Variants in B3GALT9 observed in about 807,000 individuals in gnomAD.
The protein encoded by B3GALT9 is beta-1,3-galactosyltransferase 9, also known as UDP-GlcNAc:betaGal beta-1,3-N-acetylglucosaminyltransferase 10 (putative).
In B3GALT9 at chr9:120,799,134, A is replaced by G. The variant is rs199849974; in HGVS notation, c.566A>G (p.Asn189Ser). The part of the protein sequence containing the change: ...ILKVDEETFV[N>S]LPSLVDYLLN... Reference sequence around the variant, plus strand: ...AAGGTGGATGAAGAGACGTTTGTCAATCTACCAAGCTTGGTAGACTATCTT... The same window carrying G: ...AAGGTGGATGAAGAGACGTTTGTCAGTCTACCAAGCTTGGTAGACTATCTT... Residue 189 changes from asparagine (N) to serine (S), a missense_variant, in exon 3 of 3, where the codon AAT becomes AGT. By Grantham distance (46) the Asn-to-Ser change is conservative. Coordinates refer to ENST00000689072, the MANE Select transcript of B3GALT9 (RefSeq NM_001386823.1). 5.5e-4 allele frequency: 218 copies of G among 398,950 alleles called. No individual in the cohort carries two copies. Among genetic ancestry groups the G allele is most frequent in the Non-Finnish European group, 7.8e-4 (176 of 226,094 alleles). The allele number at this position is 398,950 out of a possible 1,614,324, so 24.7% of individuals were successfully genotyped here.
intron 2 of B3GALT9, 140 bp from the exon 3 acceptor site, chr9:120,798,435 G>C (rs1217917508): frequency 2.5e-6 from 1 of 397,206 alleles, no homozygotes; most frequent in Non-Finnish European, 4.4e-6. Flanking sequence ...TCTAGTGGAA[G>C]AAATAGATAA....
In B3GALT9 at chr9:120,801,172, G is replaced by A. The variant is rs1186445565; in HGVS notation, c.*1494G>A. 6.6e-6 allele frequency among the ~76,000 whole-genome samples: 1 copy of A among 152,126 alleles called. No individual in the cohort carries two copies. Among genetic ancestry groups the A allele is most frequent in the Non-Finnish European group, 1.5e-5 (1 of 68,032 alleles). ...GTGAATAATGCTGCATTGAATGTGGGGAGTGCAGATATCTCTTTAACATAC... is the reference window on the plus strand; with the variant it reads ...GTGAATAATGCTGCATTGAATGTGGAGAGTGCAGATATCTCTTTAACATAC... On this transcript the variant is annotated 3_prime_UTR_variant, in exon 3 of 3. Transcript: ENST00000689072.
rs1243319295 is a variant in B3GALT9, at chr9:120,798,464, TA to T, written c.7-107del. The T allele has an allele frequency of 1.0e-5, 4 of 397,888 alleles. No individual in the cohort carries two copies. The East Asian group carries it at 1.1e-4, about 11-fold the overall frequency. The allele number at this position is 397,888 out of a possible 1,614,324, so 24.6% of individuals were successfully genotyped here. ...TAGATAATATATCACAATAAACACT[TA>T]AAATAGAGTGTACTGCTAAATGCTG... On this transcript the variant is annotated intron_variant, in intron 2 of 2. Coordinates refer to ENST00000689072, the MANE Select transcript of B3GALT9 (RefSeq NM_001386823.1).
At chr9:120,794,878 T>C (rs1418640836) in intron 1 of B3GALT9, among the ~76,000 whole-genome samples, 3 of 152,206 alleles carry the variant, frequency 2.0e-5, no homozygotes, top group Non-Finnish European at 4.4e-5. Context: ...AACTAAATTC[T>C]TAATTTTATT....
rs1361098514 is a variant in B3GALT9 at position 120,798,593 on chromosome 9, C to A, written c.25C>A (p.Arg9=). The A allele has an allele frequency of 2.5e-6, 1 of 399,544 alleles. No individual in the cohort carries two copies. The highest frequency in any genetic ancestry group is 2.1e-5 in the African/African-American group (1 of 48,622). The allele number at this position is 399,544 out of a possible 1,614,324, so 24.7% of individuals were successfully genotyped here. The change falls in exon 3 of 3, where the codon CGG becomes AGG. Residue 9 remains arginine, a synonymous_variant. Coordinates refer to ENST00000689072, the MANE Select transcript of B3GALT9 (RefSeq NM_001386823.1). The part of the protein sequence containing the change: MQVTFCRL[R]THQWCFILFN... ...TTTTTAGGTGACTTTCTGCAGACTT[C>A]GGACTCACCAGTGGTGTTTCATTCT... is the stretch of plus-strand genomic sequence containing the variant.
chr9:120,795,820 G>A (rs1442526646), intron 1 of B3GALT9, among the ~76,000 whole-genome samples: 1 of 152,214 alleles, frequency 6.6e-6, no homozygotes, highest in Non-Finnish European at 1.5e-5. Flanking sequence ...AAACTTGCTG[G>A]TAGAAATGAT....
rs1201692780 is a variant in B3GALT9, at chr9:120,795,705, AG to A, written c.-181-716del. ...GGAAGATCAACATGTTGGATGTTGA[AG>A]GAAAGGACGAAATATAGCCTGGCAT... On this transcript the variant is annotated intron_variant, in intron 1 of 2. Coordinates refer to ENST00000689072, the MANE Select transcript of B3GALT9 (RefSeq NM_001386823.1). 2.0e-5 allele frequency among the ~76,000 whole-genome samples: 3 copies of A among 152,246 alleles called. No homozygotes were observed. The East Asian group carries it at 5.8e-4, about 29-fold the overall frequency.
chr9:120,795,111 G>T (rs1372940852), intron 1 of B3GALT9, among the ~76,000 whole-genome samples: 1 of 152,192 alleles, frequency 6.6e-6, no homozygotes, highest in African/African-American at 2.4e-5. Flanking sequence ...TCTCAAGAGA[G>T]CAAATTTGAT....
intron 1 of B3GALT9, among the ~76,000 whole-genome samples, chr9:120,795,065 G>T (rs1480129570): frequency 6.6e-6 from 1 of 152,134 alleles, no homozygotes; most frequent in African/African-American, 2.4e-5. Flanking sequence ...TTGATTATGT[G>T]GGGTGGAAGT....
Position 120,800,443 on chromosome 9 carries a change from A to G in B3GALT9, c.*765A>G, listed in dbSNP as rs1006496267. 1.3e-5 allele frequency among the ~76,000 whole-genome samples: 2 copies of G among 150,016 alleles called. No individual in the cohort carries two copies. The highest frequency in any genetic ancestry group is 2.5e-5 in the African/African-American group (1 of 40,726). On this transcript the variant is annotated 3_prime_UTR_variant, in exon 3 of 3. Coordinates refer to ENST00000689072, the MANE Select transcript of B3GALT9 (RefSeq NM_001386823.1). ...CTAATTTTTGTATTTTTTTATAGAG[A>G]TGGGGGTTTCATGATGTTGCCCACG...
intron 1 of B3GALT9, among the ~76,000 whole-genome samples, chr9:120,794,167 T>C (rs2044915182): frequency 1.3e-5 from 2 of 152,186 alleles, no homozygotes; most frequent in Admixed American, 1.3e-4. Flanking sequence ...CAACATTTTT[T>C]GTGTACCATC....
intron 2 of B3GALT9, among the ~76,000 whole-genome samples, chr9:120,797,662 G>T (rs1331047812): frequency 6.6e-6 from 1 of 152,118 alleles, no homozygotes; most frequent in East Asian, 1.9e-4. Context: ...TATCTGAAAG[G>T]GATATTACCA....
Position 120,799,530 on chromosome 9 carries a change from C to A in B3GALT9, c.962C>A (p.Ala321Glu). The A allele has an allele frequency of 2.5e-6, 1 of 399,648 alleles. No individual in the cohort carries two copies. The highest frequency in any genetic ancestry group is 4.4e-6 in the Non-Finnish European group (1 of 226,208). 24.8% of individuals were successfully genotyped at this position (399,648 alleles called of 1,614,324 possible). A position where few individuals can be genotyped will look rare whatever the true frequency, so the allele number is the denominator to read the frequency against. ...SEIADPEMPL[A>E]WKEINDGKEC... is the part of the protein sequence containing the mutation. ...ATTGCAGATCCTGAAATGCCCCTAG[C>A]ATGGAAGGAAATTAATGATGGAAAA... Residue 321 changes from alanine (A) to glutamate (E), a missense_variant, in exon 3 of 3, where the codon GCA (alanine) becomes GAA (glutamate). Physicochemically the swap from Ala to Glu is moderately radical, Grantham distance 107 (BLOSUM62 -1). Coordinates refer to ENST00000689072, the MANE Select transcript of B3GALT9 (RefSeq NM_001386823.1).
rs1378522245 is a variant in B3GALT9 at position 120,800,603 on chromosome 9, AACTG to A, written c.*929_*932del. ...TTATAACTAAGTTTTTTTTTTTATA[AACTG>A]ACTAGTAAAAATTATGTATATTTAT... On this transcript the variant is annotated 3_prime_UTR_variant, in exon 3 of 3. Transcript: ENST00000689072. Among the ~76,000 whole-genome samples, 5 of 152,102 alleles carry A rather than the reference AACTG, an allele frequency of 3.3e-5. No individual in the cohort carries two copies. Among genetic ancestry groups the A allele is most frequent in the African/African-American group, 4.8e-5 (2 of 41,402 alleles).
rs1317728628 is a variant in B3GALT9, at chr9:120,799,810, T to C, written c.*132T>C. ...TAATTTTATTTGCAAAGGTACAAAA[T>C]GTTTTCTGTGCTCTGGTGTGCTCAA... On this transcript the variant is annotated 3_prime_UTR_variant, in exon 3 of 3. Coordinates refer to ENST00000689072, the MANE Select transcript of B3GALT9 (RefSeq NM_001386823.1). The C allele has an allele frequency of 2.5e-6, 1 of 396,710 alleles. No individual in the cohort carries two copies. The highest frequency in any genetic ancestry group is 4.4e-5 in the Admixed American group (1 of 22,696). 24.6% of individuals were successfully genotyped at this position (396,710 alleles called of 1,614,324 possible).
In B3GALT9 at chr9:120,799,367, A is replaced by G. The variant is rs936493593; in HGVS notation, c.799A>G (p.Met267Val). Residue 267 changes from methionine to valine, a missense_variant, in exon 3 of 3, where the codon ATG becomes GTG. Physicochemically the swap from Met to Val is conservative, Grantham distance 21. Transcript: ENST00000689072. ...MYVVFKEVPM[M>V]VPADVFVGIC... The stretch of plus-strand genomic sequence containing the variant: ...TGTGGTTTTCAAAGAAGTACCCATG[A>G]TGGTGCCAGCTGATGTGTTTGTAGG... The G allele has an allele frequency of 5.0e-6, 2 of 399,314 alleles. No homozygotes were observed. Among genetic ancestry groups the G allele is most frequent in the Admixed American group, 8.8e-5 (2 of 22,740 alleles). 24.7% of individuals were successfully genotyped at this position (399,314 alleles called of 1,614,324 possible).
At position 120,799,329 on chromosome 9, in the gene B3GALT9, C is replaced by A. The variant is rs2044957032; in HGVS notation, c.761C>A (p.Ala254Asp). The change falls in exon 3 of 3, where the codon GCT (alanine) becomes GAT (aspartate). Residue 254 changes from alanine to aspartate, a missense_variant. Ala to Asp is a moderately radical substitution (Grantham distance 126). Coordinates refer to ENST00000689072, the MANE Select transcript of B3GALT9 (RefSeq NM_001386823.1). ...GCCTTTATAATGTCCCAAGATGTGG[C>A]TCGAATGATGTATGTGGTTTTCAAA... ...GEAFIMSQDVARMMYVVFKEV... is the reference protein window; with the variant it reads ...GEAFIMSQDVDRMMYVVFKEV... The A allele has an allele frequency of 7.5e-6, 3 of 399,158 alleles. No individual in the cohort carries two copies. The highest frequency in any genetic ancestry group is 1.3e-5 in the Non-Finnish European group (3 of 226,194). The allele number at this position is 399,158 out of a possible 1,614,324, so 24.7% of individuals were successfully genotyped here.
rs538316569 is a variant in B3GALT9 at position 120,795,365 on chromosome 9, T to G, written c.-181-1058T>G. On this transcript the variant is annotated intron_variant, in intron 1 of 2. Transcript: ENST00000689072. The stretch of plus-strand genomic sequence containing the variant: ...GAGCTGCCCCAGAGATAATATTGTT[T>G]GGACCTCTCATAACAAAGAAACCAA... Among the ~76,000 whole-genome samples the G allele has an allele frequency of 3.3e-5, 5 of 152,344 alleles. No individual in the cohort carries two copies. The East Asian group carries it at 9.6e-4, about 29-fold the overall frequency.
rs1236834951 is a variant in B3GALT9 at position 120,800,901 on chromosome 9, C to T, written c.*1223C>T. Among the ~76,000 whole-genome samples the T allele has an allele frequency of 6.6e-6, 1 of 152,220 alleles. No homozygotes were observed. Among genetic ancestry groups the T allele is most frequent in the Non-Finnish European group, 1.5e-5 (1 of 68,050 alleles). Reference sequence around the variant, plus strand: ...CCAACCCCCAGTCTCTGGTAACCTCCATTTACTCTCTGTTTCTATGAATTT... The same window carrying T: ...CCAACCCCCAGTCTCTGGTAACCTCTATTTACTCTCTGTTTCTATGAATTT... On this transcript the variant is annotated 3_prime_UTR_variant, in exon 3 of 3. Coordinates refer to ENST00000689072, the MANE Select transcript of B3GALT9 (RefSeq NM_001386823.1).
Sources: allele counts gnomAD v4.1 joint callset (sites outside exome capture counted in the v4.1 genomes callset), GRCh38; gene constraint gnomAD v4.1.1; transcripts MANE v1.5; gene names NCBI Gene and HGNC (gene_info 2026-07-23, HGNC 2026-07-21).